The following LINGO2 variants were observed in gnomAD, a reference collection of about 807,000 sequenced individuals.
LINGO2 encodes the protein leucine rich repeat and Ig domain containing 2.
In LINGO2, 14 loss-of-function variants were observed where a neutral mutation model predicts 30.6. The observed-to-expected ratio is 0.46, with a 90% confidence interval of 0.30 to 0.72. The LOEUF (loss-of-function observed/expected upper bound fraction) is 0.72. Ranked by LOEUF, LINGO2 falls within the 30% of genes least tolerant of loss-of-function variation. LINGO2 has a pLI of 0.07. For synonymous variants in LINGO2, 317 were observed against 288.5 expected (o/e 1.10, Z -1.00); for missense variants, 729 against 751.7 (o/e 0.97, Z 0.35).
chr9:28,807,173 T>C, the LINGO2 span, among the ~76,000 whole-genome samples: 1 of 151,860 alleles, frequency 6.6e-6, no homozygotes, highest in South Asian at 2.1e-4. Flanking sequence ...TACAGGGGCC[T>C]GTCACCACGC....
At chr9:28,779,453 A>G in the LINGO2 span, among the ~76,000 whole-genome samples, 1 of 152,128 alleles carries the variant, frequency 6.6e-6, no homozygotes, top group African/African-American at 2.4e-5. Flanking sequence ...GACTTCATAT[A>G]TTGCAAAACC....
At chr9:28,948,428 CT>C in the LINGO2 span, among the ~76,000 whole-genome samples, 1 of 151,938 alleles carries the variant, frequency 6.6e-6, no homozygotes, top group African/African-American at 2.4e-5. Context: ...CAAGCTAAAG[CT>C]TTTATAAATC....
the LINGO2 span, among the ~76,000 whole-genome samples, chr9:28,787,337 C>A: frequency 3.9e-5 from 6 of 152,220 alleles, no homozygotes; most frequent in East Asian, 5.8e-4. Flanking sequence ...AGACACAGGT[C>A]TTTGTATATA....
At chr9:28,476,424 C>G (rs954973868) in intron 1 of LINGO2, among the ~76,000 whole-genome samples, 20 of 152,106 alleles carry the variant, frequency 1.3e-4, no homozygotes, top group African/African-American at 4.1e-4. Flanking sequence ...TACAGGCGCC[C>G]GCCACCACGC....
chr9:28,902,981 C>T, the LINGO2 span, among the ~76,000 whole-genome samples: 1 of 149,966 alleles, frequency 6.7e-6, no homozygotes, highest in East Asian at 2.0e-4. Context: ...AAAAAAGAAA[C>T]AAACTAAACC....
the LINGO2 span, among the ~76,000 whole-genome samples, chr9:28,882,708 A>G: frequency 6.6e-6 from 1 of 152,272 alleles, no homozygotes; most frequent in Admixed American, 6.5e-5. Flanking sequence ...CGTGGACCAC[A>G]CTGACACATA....
intron 4 of LINGO2, among the ~76,000 whole-genome samples, chr9:28,177,987 T>G (rs527283728): frequency 6.6e-6 from 1 of 152,326 alleles, no homozygotes; most frequent in African/African-American, 2.4e-5. Flanking sequence ...CTCCACCAAG[T>G]GTTTTGAAGT....
chr9:29,178,368 T>C, the LINGO2 span, among the ~76,000 whole-genome samples: 1 of 152,148 alleles, frequency 6.6e-6, no homozygotes, highest in Non-Finnish European at 1.5e-5. Flanking sequence ...CCTTATTCTC[T>C]CTTCATTGCT....
chr9:28,765,883 A>C, the LINGO2 span, among the ~76,000 whole-genome samples: 1 of 152,202 alleles, frequency 6.6e-6, no homozygotes, highest in Admixed American at 6.5e-5. Context: ...TGGGAAAATT[A>C]GATTTCCACA....
At chr9:28,638,067 T>G (rs943264907) in intron 1 of LINGO2, among the ~76,000 whole-genome samples, 16 of 152,188 alleles carry the variant, frequency 1.1e-4, no homozygotes, top group African/African-American at 3.9e-4. Flanking sequence ...TTTCTGCATC[T>G]ATTGAGATAA....
chr9:29,112,303 C>T, the LINGO2 span, among the ~76,000 whole-genome samples: 36,827 of 151,836 alleles, frequency 0.24, 4,608 homozygotes, highest in East Asian at 0.4. Context: ...GTGAACTTGG[C>T]AGAAGTGCAA....
intron 4 of LINGO2, among the ~76,000 whole-genome samples, chr9:28,288,638 T>C (rs1823606853): frequency 6.6e-6 from 1 of 152,204 alleles, no homozygotes; most frequent in South Asian, 2.1e-4. Context: ...CATGCTGTTT[T>C]ACATGTGCTA....
intron 4 of LINGO2, among the ~76,000 whole-genome samples, chr9:28,057,559 A>ATATATACATATATATACATATATATG (rs1824987081): frequency 7.9e-6 from 1 of 126,168 alleles, no homozygotes; most frequent in Non-Finnish European, 1.7e-5. Context: ...ATAAGTATAT[A>ATATATACATATATATACATATATATG]TATATACATA....
intron 4 of LINGO2, among the ~76,000 whole-genome samples, chr9:28,086,255 A>C (rs749209861): frequency 6.6e-6 from 1 of 152,080 alleles, no homozygotes; most frequent in Non-Finnish European, 1.5e-5. Context: ...CATATGGAAA[A>C]ATGCTGCACT....
At position 28,326,947 on chromosome 9, in the gene LINGO2, C is replaced by T. The variant is rs923897375; in HGVS notation, c.-245-31581G>A. 3.9e-5 allele frequency among the ~76,000 whole-genome samples: 6 copies of T among 152,246 alleles called. No homozygotes were observed. The East Asian group carries it at 1.2e-3, about 29-fold the overall frequency. ...CACCTCTTCACATCCAACAGGCTTG[C>T]TAAGGTCTGAATGCAATTTGTGTCT... On this transcript the variant is annotated intron_variant, in intron 3 of 5. Transcript: ENST00000379992.
the LINGO2 span, among the ~76,000 whole-genome samples, chr9:29,096,901 T>A: frequency 2.9e-5 from 4 of 139,404 alleles, 1 homozygote; most frequent in Non-Finnish European, 6.2e-5. Flanking sequence ...AGTTTTTTTA[T>A]GTTAGTCACA....
chr9:28,737,560 T>C, the LINGO2 span, among the ~76,000 whole-genome samples: 3 of 152,176 alleles, frequency 2.0e-5, no homozygotes, highest in African/African-American at 7.2e-5. Flanking sequence ...GTCATACAGC[T>C]AAAGCACGGC....
chr9:28,390,161 C>A (rs1322412424), intron 2 of LINGO2, among the ~76,000 whole-genome samples: 1 of 152,146 alleles, frequency 6.6e-6, no homozygotes, highest in African/African-American at 2.4e-5. Context: ...TGTATCCTAC[C>A]TCAGCTCATT....
At chr9:28,461,865 A>C (rs1020936205) in intron 2 of LINGO2, among the ~76,000 whole-genome samples, 1 of 152,154 alleles carries the variant, frequency 6.6e-6, no homozygotes, top group Non-Finnish European at 1.5e-5. Flanking sequence ...ACAGCTCTAC[A>C]TATTTATCTC....
Sources: gnomAD v4.1 joint callset for allele counts (sites outside exome capture counted in the v4.1 genomes callset) on GRCh38, gnomAD v4.1.1 for gene constraint, MANE v1.5 for transcripts, NCBI Gene and HGNC (gene_info 2026-07-23, HGNC 2026-07-21) for gene names.